Variants in IPP observed in about 807,000 individuals in gnomAD.
IPP encodes the protein intracisternal A particle-promoted polypeptide, also known as actin-binding protein IPP.
IPP carries 41 observed loss-of-function variants against 64.1 expected under a neutral mutation model. That is an observed-to-expected ratio of 0.64 (90% confidence interval 0.50 to 0.83). The LOEUF (loss-of-function observed/expected upper bound fraction) is 0.83, where lower values mean the gene tolerates loss of function less well. IPP is among the 40% of genes least tolerant of loss of function. IPP has a pLI of 0.00. For synonymous variants in IPP, 214 were observed against 235.2 expected, an observed-to-expected ratio of 0.91 and a Z score of 0.83; for missense variants, 649 against 703.0, an observed-to-expected ratio of 0.92 and a Z score of 0.87.
chr1:45,718,413 C>A (rs1645688884), intron 6 of IPP, among the ~76,000 whole-genome samples: 1 of 152,224 alleles, frequency 6.6e-6, no homozygotes, highest in African/African-American at 2.4e-5. Flanking sequence ...GTGTGACTAG[C>A]AGCTTGGTCA....
chr1:45,706,178 C>A (rs192103816), intron 8 of IPP, among the ~76,000 whole-genome samples: 3 of 152,162 alleles, frequency 2.0e-5, no homozygotes, highest in South Asian at 4.2e-4. Flanking sequence ...TTCTGACCAA[C>A]CAAAGTGAAG....
In IPP at chr1:45,746,481, G is replaced by C; in HGVS notation, c.-50-20C>G. On this transcript the variant is annotated intron_variant, in intron 1 of 8. Transcript: ENST00000396478. ...ACTACCCTGAAAAACAAAATACAAA[G>C]AGATCAAGCAACAAAATTTTTTTAA... 3 of 1,290,088 alleles carry C rather than the reference G, an allele frequency of 2.3e-6. No homozygotes were observed. The highest frequency in any genetic ancestry group is 2.2e-5 in the Admixed American group (1 of 45,120). 79.9% of individuals were successfully genotyped at this position (1,290,088 alleles called of 1,614,324 possible).
chr1:45,716,448 T>C (rs1221733162), intron 7 of IPP, among the ~76,000 whole-genome samples: 2 of 152,172 alleles, frequency 1.3e-5, no homozygotes, highest in Admixed American at 6.5e-5. Context: ...TTTCACCACG[T>C]TGGCCAGGAT....
intron 4 of IPP, among the ~76,000 whole-genome samples, chr1:45,728,140 G>GTGTGTGTGTGTGTGTGTGTGTT (rs1645857635): frequency 6.7e-6 from 1 of 149,678 alleles, no homozygotes; most frequent in Non-Finnish European, 1.5e-5. Flanking sequence ...GTGTGTGTGT[G>GTGTGTGTGTGTGTGTGTGTGTT]TGTGTGTGTG....
At position 45,741,073 on chromosome 1, in the gene IPP, G is replaced by A. The variant is rs1459461185; in HGVS notation, c.552C>T (p.Ile184=). 4 of 1,613,938 alleles carry A rather than the reference G, an allele frequency of 2.5e-6. No individual in the cohort carries two copies. The highest frequency in any genetic ancestry group is 3.4e-6 in the Non-Finnish European group (4 of 1,180,000). Residue 184 remains isoleucine (I), a synonymous_variant, in exon 3 of 9, where the codon ATC becomes ATT. Transcript: ENST00000396478. ...TAAGCTCTTCACTTCGCAAAATTTT[G>A]ATCAGCTGATCTTTCGTAAGTGCCA... is the stretch of plus-strand genomic sequence containing the variant. ...EFLALTKDQL[I]KILRSEELSI... is the part of the protein sequence containing the mutation.
intron 5 of IPP, among the ~76,000 whole-genome samples, chr1:45,722,238 A>G (rs2148563094): frequency 6.6e-6 from 1 of 152,086 alleles, no homozygotes; most frequent in South Asian, 2.1e-4. Context: ...TGGGTGACAG[A>G]GTGAGACTCC....
At chr1:45,722,216 T>C (rs1645742782) in intron 5 of IPP, among the ~76,000 whole-genome samples, 1 of 151,830 alleles carries the variant, frequency 6.6e-6, no homozygotes, top group Non-Finnish European at 1.5e-5. Context: ...ACTGAGCCAC[T>C]GCCCTCTAGC....
intron 8 of IPP, among the ~76,000 whole-genome samples, chr1:45,707,240 G>A (rs1377301864): frequency 5.3e-5 from 8 of 152,028 alleles, no homozygotes; most frequent in African/African-American, 9.7e-5. Flanking sequence ...TGGCTAACAC[G>A]GTGAAACCCC....
chr1:45,704,087 G>A (rs548785902), intron 8 of IPP, among the ~76,000 whole-genome samples: 12 of 152,290 alleles, frequency 7.9e-5, no homozygotes, highest in Admixed American at 2.6e-4. Context: ...CAGGAACTGA[G>A]GGAATGAGGG....
At chr1:45,704,759 G>C (rs1002726732) in intron 8 of IPP, among the ~76,000 whole-genome samples, 1 of 152,160 alleles carries the variant, frequency 6.6e-6, no homozygotes, top group African/African-American at 2.4e-5. Context: ...CTATGAGGTA[G>C]AAGGTGGTGA....
intron 4 of IPP, among the ~76,000 whole-genome samples, chr1:45,728,168 G>GTGTGTGT (rs1553191694): frequency 5.4e-5 from 8 of 149,110 alleles, no homozygotes; most frequent in African/African-American, 2.0e-4. Flanking sequence ...GTGTGTGTGT[G>GTGTGTGT]TGTGTTTGAG....
At chr1:45,730,368 AAAG>A (rs944363379) in intron 3 of IPP, among the ~76,000 whole-genome samples, 1 of 152,164 alleles carries the variant, frequency 6.6e-6, no homozygotes, top group African/African-American at 2.4e-5. Context: ...AAAAAAAAAA[AAAG>A]AAGAATTTCC....
chr1:45,728,967 AAT>A (rs143919407), intron 4 of IPP, among the ~76,000 whole-genome samples: 13 of 147,420 alleles, frequency 8.8e-5, no homozygotes, highest in Admixed American at 2.7e-4. Flanking sequence ...CTCTACTTAA[AAT>A]ATATATATAT....
intron 1 of IPP, among the ~76,000 whole-genome samples, chr1:45,748,387 G>A (rs539376102): frequency 1.3e-5 from 2 of 152,166 alleles, no homozygotes; most frequent in African/African-American, 4.8e-5. Context: ...GGTGAAAGGG[G>A]CTGGGCACAG....
intron 3 of IPP, among the ~76,000 whole-genome samples, chr1:45,737,632 T>C (rs1645998799): frequency 6.6e-6 from 1 of 151,992 alleles, no homozygotes; most frequent in Non-Finnish European, 1.5e-5. Context: ...AGCCAATTTT[T>C]CTATTTTTTG....
intron 5 of IPP, among the ~76,000 whole-genome samples, chr1:45,723,864 T>A (rs190731124): frequency 6.6e-6 from 1 of 151,126 alleles, no homozygotes; most frequent in African/African-American, 2.4e-5. Flanking sequence ...TTAATTACAA[T>A]TTTTTTTTAT....
intron 6 of IPP, 112 bp downstream of exon 6, chr1:45,719,091 G>A: frequency 1.1e-6 from 1 of 915,636 alleles, no homozygotes; most frequent in Non-Finnish European, 1.7e-6. Flanking sequence ...CGCATTATGT[G>A]CCTGTATCTC....
intron 8 of IPP, among the ~76,000 whole-genome samples, chr1:45,709,719 C>G (rs1457971582): frequency 9.3e-6 from 1 of 107,818 alleles, no homozygotes; most frequent in East Asian, 2.9e-4. Flanking sequence ...CCCAGCTACT[C>G]GGGAGGCTAA....
At chr1:45,719,492 G>T in intron 5 of IPP, 152 bp from the exon 6 acceptor site, 1 of 547,872 alleles carries the variant, frequency 1.8e-6, no homozygotes, top group South Asian at 3.1e-5. Flanking sequence ...TGCCTGTCAA[G>T]CAGTATTTTG....
Sources: allele counts gnomAD v4.1 joint callset (sites outside exome capture counted in the v4.1 genomes callset), GRCh38; gene constraint gnomAD v4.1.1; transcripts MANE v1.5; gene names NCBI Gene and HGNC (gene_info 2026-07-23, HGNC 2026-07-21).